Variants in SPRY3 observed in about 807,000 individuals in gnomAD.
SPRY3 encodes sprouty RTK signaling antagonist 3.
Under a neutral mutation model 20.2 loss-of-function variants are expected in SPRY3, and 15 were observed. The ratio of observed to expected loss-of-function variants is 0.74; its 90% CI spans 0.50 to 1.14. The LOEUF (loss-of-function observed/expected upper bound fraction) is 1.14. Among genes scored for constraint, SPRY3 ranks in the 50% most tolerant of loss-of-function variants. The probability of loss-of-function intolerance (pLI) is 0.00; values close to 1 mark genes in which losing one functional copy is unlikely to be tolerated. For missense variants in SPRY3, 364 were observed against 363.9 expected (o/e 1.00, Z 0.00); for synonymous variants, 143 against 136.5 (o/e 1.05, Z -0.33).
At chrX:155,723,316 T>A (rs1262904882) in intron 2 of SPRY3, among the ~76,000 whole-genome samples, 1 of 152,158 alleles carries the variant, frequency 6.6e-6, no homozygotes, top group Non-Finnish European at 1.5e-5. Flanking sequence ...GATGGCTGGG[T>A]CAAATGGTAT....
rs184968614 is a variant in SPRY3, at chrX:155,680,897, T to G, written c.-282+23872T>G. The stretch of plus-strand genomic sequence containing the variant: ...GATCGGTGATCTTTGATGTTACTAT[T>G]GTAATTATTTGGGGATGCCACTAAC... On this transcript the variant is annotated intron_variant, in intron 2 of 3. Transcript: ENST00000675360. Among the ~76,000 whole-genome samples, 31 of 111,684 alleles carry G rather than the reference T, an allele frequency of 2.8e-4. No individual in the cohort carries two copies. The East Asian group carries it at 7.6e-3, about 27-fold the overall frequency.
chrX:155,725,557 T>C (rs2091091584), intron 2 of SPRY3, among the ~76,000 whole-genome samples: 1 of 152,178 alleles, frequency 6.6e-6, no homozygotes, highest in African/African-American at 2.4e-5. Flanking sequence ...GGAGGGTGTA[T>C]GTGTCAAGGA....
intron 1 of SPRY3, among the ~76,000 whole-genome samples, chrX:155,652,055 T>C (rs1287235058): frequency 9.1e-6 from 1 of 109,768 alleles, no homozygotes; most frequent in Non-Finnish European, 1.9e-5. Flanking sequence ...AACAGGGAGG[T>C]AGAGGTGCTA....
intron 1 of SPRY3, among the ~76,000 whole-genome samples, chrX:155,649,020 A>G (rs2067967445): frequency 8.9e-6 from 1 of 112,074 alleles, no homozygotes; most frequent in African/African-American, 3.2e-5. Context: ...AAAATCTAGA[A>G]GAAATGGATA....
Position 155,647,664 on chromosome X carries a change from C to A in SPRY3, c.-440-9203C>A, listed in dbSNP as rs966902318. 1.4e-4 allele frequency among the ~76,000 whole-genome samples: 16 copies of A among 111,969 alleles called. No homozygotes were observed. In the Admixed American group the frequency reaches 1.5e-3, roughly 11 times the overall value. On this transcript the variant is annotated intron_variant, in intron 1 of 3. Transcript: ENST00000675360. Reference sequence around the variant, plus strand: ...TTCTTTTTTATGGCTGCATACTATTCCATGGTGTATGTGTGCCACATTTTC... The same window carrying A: ...TTCTTTTTTATGGCTGCATACTATTACATGGTGTATGTGTGCCACATTTTC...
intron 2 of SPRY3, among the ~76,000 whole-genome samples, chrX:155,725,689 A>G (rs1066832): frequency 0.6 from 90,307 of 151,746 alleles, 28,000 homozygotes; most frequent in African/African-American, 0.9. Flanking sequence ...TTTTTATTGC[A>G]TCTATTTGAT....
intron 2 of SPRY3, among the ~76,000 whole-genome samples, chrX:155,737,737 A>G (rs1479426226): frequency 1.3e-5 from 2 of 152,094 alleles, no homozygotes; most frequent in East Asian, 3.9e-4. Context: ...ACTGGAGAGG[A>G]CCCAAATCAT....
chrX:155,761,908 C>T (rs2091305735), intron 2 of SPRY3, among the ~76,000 whole-genome samples: 1 of 151,952 alleles, frequency 6.6e-6, no homozygotes. Context: ...TTTCACTCTC[C>T]CTTTCCTCTA....
At chrX:155,656,573 T>C (rs1415953418) in intron 1 of SPRY3, among the ~76,000 whole-genome samples, 9 of 111,422 alleles carry the variant, frequency 8.1e-5, no homozygotes, top group Admixed American at 3.8e-4. Context: ...TTGTTATTAC[T>C]GACCTTCTGA....
At chrX:155,710,200 A>G (rs1201451574) in intron 2 of SPRY3, among the ~76,000 whole-genome samples, 4 of 151,852 alleles carry the variant, frequency 2.6e-5, no homozygotes, top group Non-Finnish European at 4.4e-5. Flanking sequence ...TCTGTGAAGA[A>G]TATCACTGGT....
At chrX:155,781,807 A>G (rs902059190) in exon 2 of SPRY3, 5 of 167,124 alleles carry the variant, frequency 3.0e-5, no homozygotes, top group East Asian at 3.9e-4. Flanking sequence ...ATTTTAGTCA[A>G]TCTTTTAGGT....
chrX:155,715,085 T>TA (rs1364340269), intron 2 of SPRY3, among the ~76,000 whole-genome samples: 2 of 152,162 alleles, frequency 1.3e-5, no homozygotes, highest in Admixed American at 1.3e-4. Context: ...GTGGCTGAGC[T>TA]AGTACCTGGG....
At chrX:155,661,840 C>T (rs2068010760) in intron 2 of SPRY3, among the ~76,000 whole-genome samples, 1 of 111,693 alleles carries the variant, frequency 9.0e-6, no homozygotes, top group South Asian at 3.7e-4. Flanking sequence ...AAGCTTTCAA[C>T]TATATTTTGG....
chrX:155,760,504 A>G (rs374512059), intron 2 of SPRY3, among the ~76,000 whole-genome samples: 1 of 152,182 alleles, frequency 6.6e-6, no homozygotes, highest in South Asian at 2.1e-4. Context: ...AGATAATTCC[A>G]GGTAAAACTG....
At chrX:155,628,729 A>G (rs1473343042) in intron 1 of SPRY3, among the ~76,000 whole-genome samples, 2 of 112,025 alleles carry the variant, frequency 1.8e-5, no homozygotes, top group Non-Finnish European at 3.8e-5. Flanking sequence ...TATTTTCCAT[A>G]GTTAGTATAC....
intron 2 of SPRY3, among the ~76,000 whole-genome samples, chrX:155,713,712 C>T (rs1418855534): frequency 1.3e-5 from 2 of 151,932 alleles, no homozygotes; most frequent in Admixed American, 1.3e-4. Context: ...GTATAAGCTT[C>T]TTGTGCTTGA....
intron 2 of SPRY3, among the ~76,000 whole-genome samples, chrX:155,696,386 AT>A (rs2123997304): frequency 9.0e-6 from 1 of 110,761 alleles, no homozygotes; most frequent in African/African-American, 3.3e-5. Context: ...GGTAAATTTG[AT>A]ATTTTGAAGT....
chrX:155,642,793 C>A (rs868990067), intron 1 of SPRY3, among the ~76,000 whole-genome samples: 7 of 111,363 alleles, frequency 6.3e-5, no homozygotes, highest in South Asian at 3.7e-4. Context: ...TTCCAAAATT[C>A]TTCTTGTTGT....
chrX:155,760,746 C>T (rs979360701), intron 2 of SPRY3, among the ~76,000 whole-genome samples: 2 of 152,050 alleles, frequency 1.3e-5, no homozygotes, highest in Admixed American at 6.6e-5. Context: ...GGTTCACGCT[C>T]CTATGAAAAT....
Sources: gnomAD v4.1 joint callset for allele counts (sites outside exome capture counted in the v4.1 genomes callset) on GRCh38, gnomAD v4.1.1 for gene constraint, MANE v1.5 for transcripts, NCBI Gene and HGNC (gene_info 2026-07-23, HGNC 2026-07-21) for gene names.